The following DGCR2 variants were observed in gnomAD, a reference collection of about 807,000 sequenced individuals.
DGCR2 encodes the protein integral membrane protein DGCR2/IDD.
In DGCR2, 24 loss-of-function variants were observed where a neutral mutation model predicts 51.6. That is an observed-to-expected ratio of 0.47 (90% CI 0.34 to 0.65). DGCR2 has a LOEUF of 0.65. DGCR2 is among the 30% of genes least tolerant of loss of function. The pLI, the probability that DGCR2 is intolerant of heterozygous loss-of-function variation, is 0.01. For synonymous variants in DGCR2, 340 were observed against 315.4 expected, an observed-to-expected ratio of 1.08 and a Z score of -0.82; for missense variants, 765 against 772.1, an observed-to-expected ratio of 0.99 and a Z score of 0.11.
intron 6 of DGCR2, chr22:19,056,428 C>T: frequency 7.8e-6 from 4 of 510,226 alleles, no homozygotes; most frequent in South Asian, 6.6e-5. Context: ...CGCACAGCTG[C>T]CATCCCAGAG....
intron 4 of DGCR2, 77 bp downstream of exon 4, chr22:19,064,771 T>C: frequency 7.2e-7 from 1 of 1,395,540 alleles, no homozygotes; most frequent in Non-Finnish European, 1.0e-6. Flanking sequence ...AGGAGTTTAC[T>C]GAGTGGTCAG....
intron 5 of DGCR2, 115 bp downstream of exon 5, chr22:19,063,087 C>CCATGTCA (rs2145966761): frequency 1.1e-6 from 1 of 889,356 alleles, no homozygotes. Flanking sequence ...CTCACCCACT[C>CCATGTCA]CCTGCACAGC....
chr22:19,039,082 G>A lies in DGCR2; in HGVS notation c.1436C>T (p.Ala479Val), dbSNP rs1164657589. The A allele has an allele frequency of 6.2e-7, 1 of 1,613,238 alleles. No individual in the cohort carries two copies. The highest frequency in any genetic ancestry group is 2.2e-5 in the East Asian group (1 of 44,890). The change falls in exon 10 of 10, where the codon GCC becomes GTC. Residue 479 changes from alanine (A) to valine (V), a missense_variant. Transcript: ENST00000263196. ...AFEPVEVSLP[A>V]PGDGGSEGAL... ...ACCTTCACTCCCACCATCCCCAGGG[G>A]CTGGCAGGCTGACCTCCACAGGCTC...
chr22:19,069,506 C>T (rs1335567446), intron 2 of DGCR2, among the ~76,000 whole-genome samples: 1 of 152,160 alleles, frequency 6.6e-6, no homozygotes, highest in Non-Finnish European at 1.5e-5. Context: ...GCCCCCTCAC[C>T]AAGTCTCTTT....
chr22:19,117,510 G>C (rs1352092552), intron 1 of DGCR2, among the ~76,000 whole-genome samples: 1 of 152,238 alleles, frequency 6.6e-6, no homozygotes, highest in Admixed American at 6.5e-5. Context: ...AGTGGGAGCA[G>C]CCTCTACTCT....
At chr22:19,048,694 G>A in intron 6 of DGCR2, 51 bp from the exon 7 acceptor site, 4 of 1,589,432 alleles carry the variant, frequency 2.5e-6, no homozygotes, top group Non-Finnish European at 3.4e-6. Context: ...AAAAAAGGTA[G>A]CCTCCCCGTG....
chr22:19,041,241 C>A lies in DGCR2; in HGVS notation c.1213G>T (p.Gly405Trp). The A allele has an allele frequency of 6.2e-7, 1 of 1,614,102 alleles. No individual in the cohort carries two copies. The highest frequency in any genetic ancestry group is 1.3e-5 in the African/African-American group (1 of 75,054). The change falls in exon 9 of 10, where the codon GGG becomes TGG. Residue 405 changes from glycine to tryptophan, a missense_variant. Physicochemically the swap from Gly to Trp is radical, Grantham distance 184. Around this residue, in one of 3 missense-constraint regions of DGCR2, gnomAD observed 190 missense variants for 265.2 expected, o/e 0.72. Transcript: ENST00000263196. ...AGCGGCGTGAGGCCCGTGCCAAACC[C>A]GTCTGGGCCGTAATCAAAGCCAGGG... ...RIPGFDYGPD[G>W]FGTGLTPLHL... is the part of the protein sequence containing the mutation.
rs770982232 is a variant in DGCR2 at position 19,122,170 on chromosome 22, G to C, written c.37C>G (p.Leu13Val). Reference protein sequence around the residue: ...PKADSGAFLLLFLLVLTVTEP... With the variant: ...PKADSGAFLLVFLLVLTVTEP... ...GTGACAGTGAGCACGAGCAGGAAGA[G>C]CAGCAGGAAGGCGCCGCTGTCTGCC... The change falls in exon 1 of 10, where the codon CTC (leucine) becomes GTC (valine). Residue 13 changes from leucine (L) to valine (V), a missense_variant. Physicochemically the swap from Leu to Val is conservative, Grantham distance 32 (BLOSUM62 1). Around this residue, in one of 3 missense-constraint regions of DGCR2, gnomAD observed 370 missense variants for 325.5 expected, o/e 1.14. Coordinates refer to ENST00000263196, the MANE Select transcript of DGCR2 (RefSeq NM_005137.3). 6.6e-7 allele frequency: 1 copy of C among 1,513,482 alleles called. No individual in the cohort carries two copies. Among genetic ancestry groups the C allele is most frequent in the Admixed American group, 2.1e-5 (1 of 46,978 alleles). 93.8% of individuals were successfully genotyped at this position (1,513,482 alleles called of 1,614,324 possible).
rs765560132 is a variant in DGCR2, at chr22:19,092,525, AAAAT to A, written c.80-3039_80-3036del. The stretch of plus-strand genomic sequence containing the variant: ...AAAGATGAAATGCAAAGTTCACTCC[AAAAT>A]AAATAAACAATCTGAACAGCCCTAA... On this transcript the variant is annotated intron_variant, in intron 1 of 9. Transcript: ENST00000263196. Among the ~76,000 whole-genome samples, 311 of 152,312 alleles carry A rather than the reference AAAAT, an allele frequency of 2.0e-3. 2 individuals are homozygous for A. The highest frequency in any genetic ancestry group is 2.4e-3 in the Non-Finnish European group (161 of 68,030).
intron 2 of DGCR2, among the ~76,000 whole-genome samples, chr22:19,080,698 T>C (rs909488367): frequency 3.9e-5 from 6 of 152,170 alleles, no homozygotes; most frequent in Admixed American, 3.3e-4. Context: ...TAGCTGGGCA[T>C]GGTGGTACAC....
intron 2 of DGCR2, among the ~76,000 whole-genome samples, chr22:19,079,780 T>C (rs1017641424): frequency 6.6e-6 from 1 of 152,256 alleles, no homozygotes; most frequent in African/African-American, 2.4e-5. Flanking sequence ...CCCCCACATT[T>C]AACCACGATA....
At chr22:19,098,928 T>C (rs2083170632) in intron 1 of DGCR2, among the ~76,000 whole-genome samples, 1 of 152,104 alleles carries the variant, frequency 6.6e-6, no homozygotes, top group Non-Finnish European at 1.5e-5. Context: ...CCATACTCCA[T>C]GTCACCAACA....
intron 9 of DGCR2, among the ~76,000 whole-genome samples, chr22:19,040,665 G>A (rs990320319): frequency 1.3e-5 from 2 of 152,212 alleles, no homozygotes; most frequent in African/African-American, 2.4e-5. Flanking sequence ...GGTGTCTCTA[G>A]CTCATGTGTC....
In DGCR2 at chr22:19,038,763, T is replaced by A; in HGVS notation, c.*102A>T. ...CCCGCCAGTGACGTGCGGCAGTGCGTGGCGTCCAGGCTGGGACAGGGGCCT... is the reference window on the plus strand; with the variant it reads ...CCCGCCAGTGACGTGCGGCAGTGCGAGGCGTCCAGGCTGGGACAGGGGCCT... On this transcript the variant is annotated 3_prime_UTR_variant, in exon 10 of 10. Transcript: ENST00000263196. 1 of 1,473,024 alleles carries A rather than the reference T, an allele frequency of 6.8e-7. No homozygotes were observed. Among genetic ancestry groups the A allele is most frequent in the East Asian group, 2.3e-5 (1 of 43,744 alleles). The allele number at this position is 1,473,024 out of a possible 1,614,324, so 91.2% of individuals were successfully genotyped here. A position where few individuals can be genotyped will look rare whatever the true frequency, so the allele number is the denominator to read the frequency against.
At chr22:19,100,493 G>A (rs562932617) in intron 1 of DGCR2, among the ~76,000 whole-genome samples, 4 of 151,570 alleles carry the variant, frequency 2.6e-5, no homozygotes, top group East Asian at 3.9e-4. Context: ...GTGAAACCCC[G>A]TCTCTACTAA....
At chr22:19,084,394 C>T (rs1370901446) in intron 2 of DGCR2, among the ~76,000 whole-genome samples, 7 of 150,224 alleles carry the variant, frequency 4.7e-5, no homozygotes, top group East Asian at 4.1e-4. Flanking sequence ...AGGTGAGGAG[C>T]GTCTCCGCCG....
At chr22:19,062,872 C>G (rs1008734988) in intron 5 of DGCR2, among the ~76,000 whole-genome samples, 1 of 149,318 alleles carries the variant, frequency 6.7e-6, no homozygotes, top group South Asian at 2.1e-4. Context: ...CAAGCTTGTC[C>G]TCCCCTCCAG....
At chr22:19,069,277 T>C (rs2082786146) in intron 2 of DGCR2, among the ~76,000 whole-genome samples, 1 of 152,198 alleles carries the variant, frequency 6.6e-6, no homozygotes. Flanking sequence ...CCTCCTTCCC[T>C]GAACCTGAAC....
intron 9 of DGCR2, among the ~76,000 whole-genome samples, chr22:19,040,037 G>A (rs1361517951): frequency 3.9e-5 from 6 of 152,152 alleles, no homozygotes; most frequent in African/African-American, 1.4e-4. Context: ...ACCATAGGCT[G>A]TCTCTGAAAG....
Sources: allele counts gnomAD v4.1 joint callset (sites outside exome capture counted in the v4.1 genomes callset), GRCh38; gene constraint gnomAD v4.1.1; regional missense constraint gnomAD v4.1.1; transcripts MANE v1.5; gene names NCBI Gene and HGNC (gene_info 2026-07-23, HGNC 2026-07-21).